IFI44L: variants seen among roughly 807,000 people sequenced by gnomAD.
IFI44L encodes interferon induced protein 44 like, also known as interferon-induced protein 44-like.
Under a neutral mutation model 39.3 loss-of-function variants are expected in IFI44L, and 40 were observed. The observed-to-expected ratio is 1.02, with a 90% confidence interval of 0.79 to 1.33. The LOEUF (loss-of-function observed/expected upper bound fraction) is 1.33, where lower values mean the gene tolerates loss of function less well. Ranked by LOEUF, IFI44L falls within the 40% of genes most tolerant of loss-of-function variation. IFI44L has a pLI of 0.00. For missense variants in IFI44L, 623 were observed against 549.0 expected, an observed-to-expected ratio of 1.13 and a Z score of -1.35; for synonymous variants, 198 against 182.3, an observed-to-expected ratio of 1.09 and a Z score of -0.69.
intron 1 of IFI44L, chr1:78,626,056 TTTATTC>T (rs1277776554): frequency 6.6e-6 from 1 of 151,842 alleles, no homozygotes; most frequent in African/African-American, 2.4e-5. Flanking sequence ...TTCTTTTTCT[TTTATTC>T]TTGTTTTCTG....
intron 1 of IFI44L, among the ~76,000 whole-genome samples, chr1:78,623,046 T>G (rs926928768): frequency 2.0e-5 from 3 of 152,214 alleles, no homozygotes; most frequent in Non-Finnish European, 2.9e-5. Flanking sequence ...CAGCAATAGA[T>G]AAATAGCACA....
chr1:78,623,281 T>C (rs764328585), intron 1 of IFI44L, among the ~76,000 whole-genome samples: 59 of 152,156 alleles, frequency 3.9e-4, no homozygotes, highest in Non-Finnish European at 6.0e-4. Context: ...TACTTTATCT[T>C]AGAGGAAAAG....
At chr1:78,634,789 T>C (rs1328796756) in intron 4 of IFI44L, among the ~76,000 whole-genome samples, 1 of 151,522 alleles carries the variant, frequency 6.6e-6, no homozygotes, top group Non-Finnish European at 1.5e-5. Context: ...TAAATTGTGG[T>C]ATCAAAGGTG....
intron 1 of IFI44L, 170 bp from the exon 2 acceptor site, chr1:78,627,736 C>G (rs1652545036): frequency 2.6e-6 from 1 of 381,422 alleles, no homozygotes; most frequent in Non-Finnish European, 4.6e-6. Context: ...ATTTTTATAT[C>G]TAACATTATT....
At chr1:78,634,424 T>C (rs1258473042) in intron 4 of IFI44L, among the ~76,000 whole-genome samples, 2 of 151,946 alleles carry the variant, frequency 1.3e-5, no homozygotes, top group African/African-American at 4.8e-5. Flanking sequence ...ATATTCAAAG[T>C]GCTAAAAGAA....
chr1:78,624,033 AGT>A (rs1445420056), intron 1 of IFI44L, among the ~76,000 whole-genome samples: 1 of 151,470 alleles, frequency 6.6e-6, no homozygotes, highest in Non-Finnish European at 1.5e-5. Context: ...TTTGAGATGG[AGT>A]GTCTCTCTGT....
At chr1:78,627,190 A>G (rs1378734392) in intron 1 of IFI44L, 2 of 152,040 alleles carry the variant, frequency 1.3e-5, no homozygotes, top group Non-Finnish European at 2.9e-5. Context: ...GCCAATAGCT[A>G]TATGTCTTAA....
In IFI44L at chr1:78,623,392, TTTTG is replaced by T. The variant is rs1652352306; in HGVS notation, c.-11+2825_-11+2828del. Among the ~76,000 whole-genome samples, 4 of 45,330 alleles carry T rather than the reference TTTTG, an allele frequency of 8.8e-5. No individual in the cohort carries two copies. The South Asian group carries it at 3.8e-3, about 43-fold the overall frequency. The allele number at this position is 45,330 out of a possible 152,430, so 29.7% of individuals were successfully genotyped here. ...TCCTTCTACTCCTGGTTTAAGTGTTTTTTGTTTTTTTTTTTTTTTTTTTTTTTTT... is the reference window on the plus strand; with the variant it reads ...TCCTTCTACTCCTGGTTTAAGTGTTTTTTTTTTTTTTTTTTTTTTTTTTTT... On this transcript the variant is annotated intron_variant, in intron 1 of 8. Coordinates refer to ENST00000370751, the MANE Select transcript of IFI44L (RefSeq NM_006820.4).
intron 1 of IFI44L, chr1:78,626,007 T>A (rs572443982): frequency 6.6e-6 from 1 of 151,148 alleles, no homozygotes; most frequent in South Asian, 2.1e-4. Context: ...TTTTTGAGAC[T>A]TGCTTGCTTT....
At chr1:78,637,776 A>C (rs1026053787) in intron 6 of IFI44L, among the ~76,000 whole-genome samples, 1 of 152,052 alleles carries the variant, frequency 6.6e-6, no homozygotes, top group African/African-American at 2.4e-5. Flanking sequence ...ACATCCATCC[A>C]AGATGTATGT....
chr1:78,635,293 T>C, intron 4 of IFI44L, 44 bp from the exon 5 acceptor site: 3 of 1,404,440 alleles, frequency 2.1e-6, no homozygotes, highest in Non-Finnish European at 3.0e-6. Context: ...TCTTGAATGC[T>C]GGGTGATGAA....
intron 8 of IFI44L, 70 bp downstream of exon 8, chr1:78,641,679 A>G (rs1263120132): frequency 6.8e-6 from 11 of 1,606,858 alleles, no homozygotes; most frequent in Non-Finnish European, 8.5e-6. Flanking sequence ...GTTATACATC[A>G]GTTATTAGAT....
chr1:78,629,756 T>A lies in IFI44L; in HGVS notation c.564T>A (p.Tyr188Ter). ...RNRLLADIRD[Y>*]RPYADLVSEI... ...GGCTTCTAGCAGACATCAGAGACTATAGGCCCTATGCAGACTTGGTTTCAG... is the reference window on the plus strand; with the variant it reads ...GGCTTCTAGCAGACATCAGAGACTAAAGGCCCTATGCAGACTTGGTTTCAG... Residue 188 changes from tyrosine to a stop codon, truncating the protein, a stop_gained, in exon 4 of 9, where the codon TAT becomes TAA. Coordinates refer to ENST00000370751, the MANE Select transcript of IFI44L (RefSeq NM_006820.4). LOFTEE classifies it high-confidence loss of function. The A allele has an allele frequency of 1.2e-6, 2 of 1,613,670 alleles. No homozygotes were observed. The highest frequency in any genetic ancestry group is 1.7e-6 in the Non-Finnish European group (2 of 1,179,690).
intron 1 of IFI44L, chr1:78,627,139 A>G (rs1456654003): frequency 6.6e-6 from 1 of 152,142 alleles, no homozygotes; most frequent in East Asian, 1.9e-4. Context: ...GTGCTCCCAA[A>G]TGCCTAGCTT....
At chr1:78,626,675 T>TA (rs1210398014) in intron 1 of IFI44L, 2 of 152,066 alleles carry the variant, frequency 1.3e-5, no homozygotes, top group African/African-American at 4.8e-5. Flanking sequence ...CCTCTTTTCT[T>TA]AAATTTTTTT....
At position 78,628,126 on chromosome 1, in the gene IFI44L, A is replaced by G. The variant is rs1652568684; in HGVS notation, c.211A>G (p.Asn71Asp). The G allele has an allele frequency of 1.2e-6, 2 of 1,612,104 alleles. No individual in the cohort carries two copies. Among genetic ancestry groups the G allele is most frequent in the Admixed American group, 1.7e-5 (1 of 59,772 alleles). ...IVAFMLGNYI[N>D]LHESSTEPND... ...AGCCTTTATGCTTGGAAATTATATT[A>G]ATTTACATGAAAGTTCTACAGAGCC... The change falls in exon 2 of 9, where the codon AAT becomes GAT. Residue 71 changes from asparagine to aspartate, a missense_variant. By Grantham distance (23) the Asn-to-Asp change is conservative. Transcript: ENST00000370751.
chr1:78,626,832 C>T (rs933327193), intron 1 of IFI44L: 2 of 151,934 alleles, frequency 1.3e-5, no homozygotes, highest in African/African-American at 4.8e-5. Context: ...TAATCCCTAG[C>T]TCCTCTTCCA....
At chr1:78,621,475 T>C (rs937322098) in intron 1 of IFI44L, among the ~76,000 whole-genome samples, 1 of 152,144 alleles carries the variant, frequency 6.6e-6, no homozygotes, top group African/African-American at 2.4e-5. Context: ...TTTCACCATG[T>C]TGGCCAGGCT....
chr1:78,622,512 C>A (rs947040648), intron 1 of IFI44L, among the ~76,000 whole-genome samples: 1 of 152,040 alleles, frequency 6.6e-6, no homozygotes, highest in Non-Finnish European at 1.5e-5. Flanking sequence ...TCTAAAATAG[C>A]TCCTAATTGT....
Sources: gnomAD v4.1 joint callset for allele counts (sites outside exome capture counted in the v4.1 genomes callset) on GRCh38, gnomAD v4.1.1 for gene constraint, MANE v1.5 for transcripts, NCBI Gene and HGNC (gene_info 2026-07-23, HGNC 2026-07-21) for gene names.